Variants in CDH23 observed in about 807,000 individuals in gnomAD.
CDH23 encodes the protein cadherin related 23.
CDH23 carries 189 observed loss-of-function variants against 317.1 expected under a neutral mutation model. The observed-to-expected ratio is 0.60, with a 90% CI of 0.53 to 0.67. CDH23 has a LOEUF of 0.67. Among genes scored for constraint, CDH23 ranks in the 30% least tolerant of loss-of-function variants. The pLI is 0.00. For missense variants in CDH23, 4,401 were observed against 4,592.4 expected (o/e 0.96, Z 1.20); for synonymous variants, 1,839 against 1,876.8 (o/e 0.98, Z 0.52).
intron 11 of CDH23, among the ~76,000 whole-genome samples, chr10:71,623,215 C>T (rs1485606877): frequency 6.6e-6 from 1 of 152,140 alleles, no homozygotes; most frequent in Non-Finnish European, 1.5e-5. Context: ...ACTGTGGTCC[C>T]AGAAAGCCTT....
In CDH23 at chr10:71,785,667, G is replaced by C. The variant is rs1060499789; in HGVS notation, c.5749G>C (p.Glu1917Gln). The stretch of plus-strand genomic sequence containing the variant: ...CACTGTGAACCGGCCCCTGGACCGC[G>C]AGCGGATCCCAGAGTACAAGCTGAC... ...IVTVNRPLDR[E>Q]RIPEYKLTIS... Residue 1917 changes from glutamate to glutamine, a missense_variant, in exon 44 of 70, where the codon GAG (glutamate) becomes CAG (glutamine). Coordinates refer to ENST00000224721, the MANE Select transcript of CDH23 (RefSeq NM_022124.6). 3 of 1,607,602 alleles carry C rather than the reference G, an allele frequency of 1.9e-6. No homozygotes were observed. The highest frequency in any genetic ancestry group is 1.3e-5 in the African/African-American group (1 of 74,758).
intron 14 of CDH23, among the ~76,000 whole-genome samples, chr10:71,660,173 A>T (rs1421991494): frequency 6.6e-6 from 1 of 151,746 alleles, no homozygotes; most frequent in East Asian, 1.9e-4. Context: ...GTTGGCCAGG[A>T]TGGTCTCGAT....
At chr10:71,622,807 G>T (rs1217009221) in intron 11 of CDH23, 5 of 316,756 alleles carry the variant, frequency 1.6e-5, no homozygotes, top group African/African-American at 1.1e-4. Context: ...AATATTTTGT[G>T]CAGAGGAGAG....
intron 18 of CDH23, among the ~76,000 whole-genome samples, chr10:71,684,141 C>T (rs1047211255): frequency 6.6e-6 from 1 of 150,504 alleles, no homozygotes; most frequent in Non-Finnish European, 1.5e-5. Flanking sequence ...GAACCTGTAA[C>T]CTCCCACCTA....
intron 38 of CDH23, among the ~76,000 whole-genome samples, chr10:71,742,892 A>G (rs1437677644): frequency 6.6e-6 from 1 of 152,238 alleles, no homozygotes; most frequent in Admixed American, 6.5e-5. Flanking sequence ...TTCTGGTCTC[A>G]GCTGGGCTTC....
At chr10:71,658,329 G>T (rs111495962) in intron 14 of CDH23, among the ~76,000 whole-genome samples, 4 of 152,308 alleles carry the variant, frequency 2.6e-5, no homozygotes, top group African/African-American at 9.6e-5. Context: ...GCAGGCTGTC[G>T]CCTTTCTTCC....
chr10:71,548,163 G>T (rs1319796990), intron 6 of CDH23, among the ~76,000 whole-genome samples: 1 of 152,220 alleles, frequency 6.6e-6, no homozygotes, highest in South Asian at 2.1e-4. Context: ...TGGGGAGGGA[G>T]CCCAGGGGAC....
At chr10:71,399,368 G>A (rs1256817183) in intron 1 of CDH23, among the ~76,000 whole-genome samples, 1 of 152,184 alleles carries the variant, frequency 6.6e-6, no homozygotes, top group African/African-American at 2.4e-5. Context: ...GGTCCACAGT[G>A]CCTTCTCTAA....
At chr10:71,712,583 T>A (rs771633733) in intron 27 of CDH23, 82 bp from the exon 28 acceptor site, 10 of 1,530,760 alleles carry the variant, frequency 6.5e-6, no homozygotes, top group Non-Finnish European at 8.0e-6. Flanking sequence ...CTCTGGCCGG[T>A]GCCCGGGAGT....
At position 71,778,153 on chromosome 10, in the gene CDH23, C is replaced by T. The variant is rs768009545; in HGVS notation, c.5068-36C>T. 7.4e-6 allele frequency: 12 copies of T among 1,612,810 alleles called. No individual in the cohort carries two copies. The East Asian group carries it at 2.5e-4, about 33-fold the overall frequency. ...AGAGGGTGCTGCAGACCTACCACCC[C>T]TAGATCCATCCTTGTCCCTTCCCTG... On this transcript the variant is annotated intron_variant, in intron 39 of 69. Coordinates refer to ENST00000224721, the MANE Select transcript of CDH23 (RefSeq NM_022124.6).
At chr10:71,561,531 C>T (rs369476070) in intron 6 of CDH23, among the ~76,000 whole-genome samples, 126 of 152,246 alleles carry the variant, frequency 8.3e-4, no homozygotes, top group East Asian at 4.2e-3. Flanking sequence ...ATCCTTTGCA[C>T]GGCAGAACTT....
At chr10:71,543,363 C>G (rs1474266497) in intron 6 of CDH23, among the ~76,000 whole-genome samples, 2 of 152,202 alleles carry the variant, frequency 1.3e-5, no homozygotes, top group Non-Finnish European at 2.9e-5. Flanking sequence ...AGGATGGGGA[C>G]AGCTCCCCTC....
chr10:71,454,454 T>C (rs567543817), intron 3 of CDH23, among the ~76,000 whole-genome samples: 5 of 152,354 alleles, frequency 3.3e-5, no homozygotes, highest in African/African-American at 1.2e-4. Flanking sequence ...CTGTCCTTTC[T>C]ATTGGAAGGC....
chr10:71,599,995 T>G (rs1048060099), intron 9 of CDH23, among the ~76,000 whole-genome samples: 6 of 143,192 alleles, frequency 4.2e-5, no homozygotes, highest in African/African-American at 7.8e-5. Flanking sequence ...CTTTCCTTTT[T>G]TTTTTTTTTT....
chr10:71,626,012 A>G (rs1377562254), intron 11 of CDH23, among the ~76,000 whole-genome samples: 1 of 152,200 alleles, frequency 6.6e-6, no homozygotes, highest in Non-Finnish European at 1.5e-5. Context: ...ATCTCAAAAT[A>G]CCATTTACGC....
Position 71,608,619 on chromosome 10 carries a change from C to T in CDH23, c.833-6885C>T, listed in dbSNP as rs1001951215. Among the ~76,000 whole-genome samples, 16 of 152,304 alleles carry T rather than the reference C, an allele frequency of 1.1e-4. No individual in the cohort carries two copies. In the South Asian group the frequency reaches 3.3e-3, roughly 32 times the overall value. On this transcript the variant is annotated intron_variant, in intron 9 of 69. Transcript: ENST00000224721. Reference sequence around the variant, plus strand: ...GGCCATCCAACAAATATATAATGAGCGCTGTTCTGGGGACTGCCAGAGATT... The same window carrying T: ...GGCCATCCAACAAATATATAATGAGTGCTGTTCTGGGGACTGCCAGAGATT...
intron 48 of CDH23, among the ~76,000 whole-genome samples, chr10:71,796,520 A>G (rs1405952761): frequency 1.3e-5 from 2 of 152,144 alleles, no homozygotes; most frequent in African/African-American, 4.8e-5. Context: ...CCTCCAGGGA[A>G]CCCCTCAGGG....
intron 6 of CDH23, among the ~76,000 whole-genome samples, chr10:71,535,782 C>T (rs1425428159): frequency 1.3e-5 from 2 of 152,194 alleles, no homozygotes; most frequent in African/African-American, 4.8e-5. Context: ...TCCCATGTGC[C>T]CTGAGGACAT....
At chr10:71,739,573 G>GT in intron 35 of CDH23, 71 bp from the exon 36 acceptor site, 5 of 1,554,814 alleles carry the variant, frequency 3.2e-6, no homozygotes, top group Non-Finnish European at 4.4e-6. Context: ...GGACCAGGGA[G>GT]TCCCCCTTGG....
Sources: allele counts gnomAD v4.1 joint callset (sites outside exome capture counted in the v4.1 genomes callset), GRCh38; gene constraint gnomAD v4.1.1; transcripts MANE v1.5; gene names NCBI Gene and HGNC (gene_info 2026-07-23, HGNC 2026-07-21).